Variants in GOLIM4 observed in about 807,000 individuals in gnomAD.
GOLIM4 encodes the protein golgi integral membrane protein 4, also known as 130 kDa golgi-localized phosphoprotein.
A neutral mutation model predicts 107.4 loss-of-function variants in GOLIM4; 71 were observed. That is an observed-to-expected ratio of 0.66 (90% CI 0.55 to 0.81). The LOEUF (loss-of-function observed/expected upper bound fraction) is 0.81, where lower values mean the gene tolerates loss of function less well. GOLIM4 is among the 30% of genes least tolerant of loss of function. GOLIM4 has a pLI of 0.00. For synonymous variants in GOLIM4, 327 were observed against 294.8 expected, an observed-to-expected ratio of 1.11 and a Z score of -1.12; for missense variants, 830 against 826.1, an observed-to-expected ratio of 1.00 and a Z score of -0.06.
chr3:168,024,264 G>A (rs966562967), intron 14 of GOLIM4, among the ~76,000 whole-genome samples: 1 of 152,152 alleles, frequency 6.6e-6, no homozygotes, highest in African/African-American at 2.4e-5. Flanking sequence ...ACCATTCCTG[G>A]AAAGCCAAAT....
chr3:168,058,982 G>A (rs770580938), intron 1 of GOLIM4, among the ~76,000 whole-genome samples: 2 of 152,132 alleles, frequency 1.3e-5, no homozygotes, highest in African/African-American at 2.4e-5. Flanking sequence ...GAGAGGCAGA[G>A]GGGAAGCGAG....
Position 168,032,561 on chromosome 3 carries a change from G to A in GOLIM4, c.1135C>T (p.Arg379Ter), listed in dbSNP as rs139232312. 5.0e-6 allele frequency: 8 copies of A among 1,613,998 alleles called. No homozygotes were observed. The highest frequency in any genetic ancestry group is 2.2e-5 in the East Asian group (1 of 44,874). The change falls in exon 9 of 16, where the codon CGA (arginine) becomes TGA (stop). Residue 379 changes from arginine to a stop codon, truncating the protein, a stop_gained. Transcript: ENST00000470487. LOFTEE classifies it high-confidence loss of function. ...DREWKEQHEQ[R>*]EAANLLEGHA... ...CCTTCCAGGAGGTTGGCTGCTTCTC[G>A]TTGCTCATGCTGCTCTTTCCACTCC...
chr3:168,046,292 T>C (rs1354543552), intron 3 of GOLIM4, among the ~76,000 whole-genome samples: 4 of 152,034 alleles, frequency 2.6e-5, no homozygotes. Context: ...ATATTTTTAT[T>C]TATTTATTTA....
At chr3:168,012,421 C>A (rs1386104481) in intron 14 of GOLIM4, among the ~76,000 whole-genome samples, 1 of 146,994 alleles carries the variant, frequency 6.8e-6, no homozygotes, top group Non-Finnish European at 1.5e-5. Flanking sequence ...GAATGGTGTA[C>A]CTGAAAGTGA....
chr3:168,033,421 C>T (rs1416463276), intron 8 of GOLIM4, among the ~76,000 whole-genome samples: 1 of 146,116 alleles, frequency 6.8e-6, no homozygotes, highest in African/African-American at 2.6e-5. Flanking sequence ...CTGGCTAACA[C>T]AGTGAAACCC....
At chr3:168,011,995 C>T (rs914368090) in intron 14 of GOLIM4, among the ~76,000 whole-genome samples, 11 of 147,502 alleles carry the variant, frequency 7.5e-5, no homozygotes, top group Non-Finnish European at 1.3e-4. Flanking sequence ...CTCTCCTCCT[C>T]CAAAGGAACA....
Position 168,048,362 on chromosome 3 carries a change from A to T in GOLIM4, c.191T>A (p.Val64Glu). Residue 64 changes from valine (V) to glutamate (E), a missense_variant, in exon 2 of 16, where the codon GTA becomes GAA. Coordinates refer to ENST00000470487, the MANE Select transcript of GOLIM4 (RefSeq NM_014498.5). ...QESLSAQLQV[V>E]YEHRSRLEKS... ...CTCTAATCTTGATCTGTGTTCATAT[A>T]CAACTGGAAAAAAAGTTAACATTTT... 6.8e-7 allele frequency: 1 copy of T among 1,465,544 alleles called. No homozygotes were observed. The highest frequency in any genetic ancestry group is 9.4e-7 in the Non-Finnish European group (1 of 1,066,580). The allele number at this position is 1,465,544 out of a possible 1,614,324, so 90.8% of individuals were successfully genotyped here. A position where few individuals can be genotyped will look rare whatever the true frequency, so the allele number is the denominator to read the frequency against.
At chr3:168,034,855 ATCCAT>A (rs1718553303) in intron 8 of GOLIM4, among the ~76,000 whole-genome samples, 1 of 152,222 alleles carries the variant, frequency 6.6e-6, no homozygotes, top group Non-Finnish European at 1.5e-5. Flanking sequence ...GCCTGCTGCC[ATCCAT>A]GGAAGATGGG....
intron 1 of GOLIM4, among the ~76,000 whole-genome samples, chr3:168,086,347 A>G (rs924219789): frequency 2.0e-5 from 3 of 152,188 alleles, no homozygotes; most frequent in Admixed American, 6.5e-5. Context: ...ACAGCATCAT[A>G]GCTATTATCA....
rs149890526 is a variant in GOLIM4 at position 168,057,437 on chromosome 3, G to A, written c.188-9072C>T. On this transcript the variant is annotated intron_variant, in intron 1 of 15. Transcript: ENST00000470487. ...AGAGGTTTAACTGACTCACAGTTCC[G>A]CATGGCTAGGGAGGCCTCAGGAAAT... 3.4e-3 allele frequency among the ~76,000 whole-genome samples: 512 copies of A among 152,266 alleles called. 2 individuals are homozygous for A. The highest frequency in any genetic ancestry group is 5.5e-3 in the Non-Finnish European group (375 of 68,020).
chr3:168,057,906 C>T (rs570402854), intron 1 of GOLIM4, among the ~76,000 whole-genome samples: 25 of 152,284 alleles, frequency 1.6e-4, no homozygotes, highest in South Asian at 1.5e-3. Flanking sequence ...TTCCACCTTT[C>T]CCTGCCATCT....
chr3:168,062,065 T>C (rs1377172851), intron 1 of GOLIM4, among the ~76,000 whole-genome samples: 3 of 152,228 alleles, frequency 2.0e-5, no homozygotes, highest in Admixed American at 2.0e-4. Context: ...TTTAGTTACA[T>C]AAATAAAATA....
chr3:168,058,257 C>T (rs936428572), intron 1 of GOLIM4, among the ~76,000 whole-genome samples: 3 of 152,200 alleles, frequency 2.0e-5, no homozygotes, highest in Non-Finnish European at 2.9e-5. Context: ...TTAACCATGA[C>T]TTGAATTGGT....
chr3:168,039,198 A>G (rs1183835864), intron 7 of GOLIM4, among the ~76,000 whole-genome samples: 1 of 152,000 alleles, frequency 6.6e-6, no homozygotes, highest in Non-Finnish European at 1.5e-5. Flanking sequence ...ACAAACCTTG[A>G]GCATCCTCGC....
intron 7 of GOLIM4, among the ~76,000 whole-genome samples, chr3:168,038,543 T>C (rs142469603): frequency 2.0e-5 from 3 of 152,328 alleles, no homozygotes; most frequent in African/African-American, 7.2e-5. Flanking sequence ...TGGTCATTGA[T>C]TTTGGGCCAG....
At chr3:168,014,628 C>G (rs1473408170) in intron 14 of GOLIM4, among the ~76,000 whole-genome samples, 1 of 137,948 alleles carries the variant, frequency 7.2e-6, no homozygotes, top group Non-Finnish European at 1.5e-5. Flanking sequence ...AACATTGATG[C>G]AAAAATCCTC....
At chr3:168,013,152 G>C (rs569763552) in intron 14 of GOLIM4, among the ~76,000 whole-genome samples, 6,560 of 150,926 alleles carry the variant, frequency 0.043, 244 homozygotes, top group Admixed American at 0.11. Context: ...CCCATCTCAC[G>C]TGCAGAGACA....
chr3:168,074,391 T>G (rs1165011057), intron 1 of GOLIM4, among the ~76,000 whole-genome samples: 1 of 152,154 alleles, frequency 6.6e-6, no homozygotes, highest in African/African-American at 2.4e-5. Flanking sequence ...ATAGTTGAAA[T>G]CTGAGCAGAG....
chr3:168,024,408 A>G, intron 14 of GOLIM4, 118 bp downstream of exon 14: 2 of 819,568 alleles, frequency 2.4e-6, no homozygotes, highest in East Asian at 4.9e-5. Context: ...TATCCTGCTT[A>G]AATTTTTCTG....
Sources: allele counts gnomAD v4.1 joint callset (sites outside exome capture counted in the v4.1 genomes callset), GRCh38; gene constraint gnomAD v4.1.1; transcripts MANE v1.5; gene names NCBI Gene and HGNC (gene_info 2026-07-23, HGNC 2026-07-21).